Variants in BMPR1B observed in about 807,000 individuals in gnomAD.
BMPR1B encodes the protein bone morphogenetic protein receptor type-1B.
A neutral mutation model predicts 59.1 loss-of-function variants in BMPR1B; 12 were observed. The ratio of observed to expected loss-of-function variants is 0.20; its 90% CI spans 0.13 to 0.33. BMPR1B has a LOEUF of 0.33. Ranked by LOEUF, BMPR1B falls within the 10% of genes least tolerant of loss-of-function variation. BMPR1B has a pLI of 1.00. For synonymous variants in BMPR1B, 237 were observed against 207.3 expected (o/e 1.14, Z -1.23); for missense variants, 550 against 610.9 (o/e 0.90, Z 1.05).
intron 2 of BMPR1B, among the ~76,000 whole-genome samples, chr4:94,932,879 C>G (rs1271783863): frequency 6.6e-6 from 1 of 152,122 alleles, no homozygotes. Flanking sequence ...TCAGAAAGTT[C>G]TGATTCATCC....
chr4:95,065,184 G>A (rs992049011), intron 3 of BMPR1B, among the ~76,000 whole-genome samples: 1 of 152,162 alleles, frequency 6.6e-6, no homozygotes, highest in Non-Finnish European at 1.5e-5. Context: ...ATGAAGTACT[G>A]ATACATGCTA....
At chr4:95,139,266 T>C (rs933709530) in intron 10 of BMPR1B, among the ~76,000 whole-genome samples, 1 of 152,172 alleles carries the variant, frequency 6.6e-6, no homozygotes, top group Non-Finnish European at 1.5e-5. Flanking sequence ...GCCTGATCCT[T>C]CATCTGGAAG....
chr4:94,871,796 A>G (rs1399370431), intron 1 of BMPR1B, among the ~76,000 whole-genome samples: 1 of 152,204 alleles, frequency 6.6e-6, no homozygotes, highest in African/African-American at 2.4e-5. Context: ...TATACAAGCT[A>G]TTTTGAGTGT....
At chr4:95,013,829 T>A (rs548686868) in intron 3 of BMPR1B, among the ~76,000 whole-genome samples, 2 of 152,312 alleles carry the variant, frequency 1.3e-5, no homozygotes, top group South Asian at 2.1e-4. Context: ...TTTACCTAAT[T>A]AGATTGTAGT....
At chr4:95,007,628 G>C (rs6532524) in intron 3 of BMPR1B, among the ~76,000 whole-genome samples, 150,364 of 152,304 alleles carry the variant, frequency 0.99, 74,226 homozygotes, top group Middle Eastern at 1. Context: ...ATTTTAAAAG[G>C]ATTTTAAGAC....
At chr4:95,148,441 G>T (rs1734801050) in intron 10 of BMPR1B, among the ~76,000 whole-genome samples, 1 of 151,466 alleles carries the variant, frequency 6.6e-6, no homozygotes, top group South Asian at 2.1e-4. Flanking sequence ...TTAAGAGATG[G>T]CATCTCACTA....
intron 3 of BMPR1B, among the ~76,000 whole-genome samples, chr4:95,038,102 G>A (rs550064522): frequency 1.3e-5 from 2 of 152,268 alleles, no homozygotes; most frequent in South Asian, 4.1e-4. Flanking sequence ...CAATGAGAAG[G>A]CAAGAATTGA....
chr4:95,100,163 A>G (rs747064255), intron 3 of BMPR1B, among the ~76,000 whole-genome samples: 1 of 152,046 alleles, frequency 6.6e-6, no homozygotes, highest in African/African-American at 2.4e-5. Flanking sequence ...GGATGGATCT[A>G]CCATTAGCAG....
Position 95,001,325 on chromosome 4 carries a change from C to T in BMPR1B, c.-18+5191C>T, listed in dbSNP as rs146874854. 2.7e-5 allele frequency among the ~76,000 whole-genome samples: 4 copies of T among 150,218 alleles called. No homozygotes were observed. In the East Asian group the frequency reaches 7.9e-4, roughly 30 times the overall value. ...CTGTGTCTTGTCTTGTATTAGACTC[C>T]TTTGCATTATTTCTTAATTCCTGGA... On this transcript the variant is annotated intron_variant, in intron 3 of 12. Coordinates refer to ENST00000515059, the MANE Select transcript of BMPR1B (RefSeq NM_001203.3).
At chr4:95,148,024 A>G (rs941604394) in intron 10 of BMPR1B, among the ~76,000 whole-genome samples, 3 of 152,066 alleles carry the variant, frequency 2.0e-5, no homozygotes, top group African/African-American at 7.3e-5. Flanking sequence ...GTTATATTCC[A>G]TTATTGTTTT....
chr4:95,026,336 A>AAC (rs1052432104), intron 3 of BMPR1B, among the ~76,000 whole-genome samples: 1 of 152,048 alleles, frequency 6.6e-6, no homozygotes, highest in Non-Finnish European at 1.5e-5. Context: ...AGAAAGGTAT[A>AAC]GCCTTTATAG....
intron 6 of BMPR1B, among the ~76,000 whole-genome samples, chr4:95,118,100 A>G (rs767141020): frequency 6.6e-6 from 1 of 152,012 alleles, no homozygotes; most frequent in Non-Finnish European, 1.5e-5. Context: ...AGCTCTGAGG[A>G]TCTCAGGTGG....
intron 2 of BMPR1B, among the ~76,000 whole-genome samples, chr4:94,978,551 GT>G (rs567639122): frequency 6.6e-6 from 1 of 152,196 alleles, no homozygotes; most frequent in Non-Finnish European, 1.5e-5. Flanking sequence ...GGTGAGTAAG[GT>G]GGTGTTGAAT....
At chr4:95,042,058 C>T (rs919924166) in intron 3 of BMPR1B, among the ~76,000 whole-genome samples, 10 of 152,014 alleles carry the variant, frequency 6.6e-5, no homozygotes, top group African/African-American at 1.9e-4. Context: ...GGGTTTCACT[C>T]TGTTAGCCAG....
intron 3 of BMPR1B, among the ~76,000 whole-genome samples, chr4:95,026,618 A>G (rs1724431982): frequency 2.0e-5 from 3 of 152,070 alleles, no homozygotes; most frequent in Admixed American, 2.0e-4. Flanking sequence ...TCTAAAATAT[A>G]GGTAAGGGTG....
chr4:95,104,349 A>C, intron 3 of BMPR1B, 59 bp from the exon 4 acceptor site: 1 of 1,571,748 alleles, frequency 6.4e-7, no homozygotes, highest in Non-Finnish European at 8.7e-7. Flanking sequence ...TTTCGTTTGA[A>C]CAGAAGACTG....
intron 1 of BMPR1B, among the ~76,000 whole-genome samples, chr4:94,865,208 T>C (rs547735622): frequency 6.6e-5 from 10 of 152,136 alleles, no homozygotes; most frequent in African/African-American, 2.4e-4. Flanking sequence ...GGAGTTACAC[T>C]GTGTTGGCCA....
chr4:94,803,060 G>A (rs902128286), intron 1 of BMPR1B, among the ~76,000 whole-genome samples: 3 of 152,098 alleles, frequency 2.0e-5, no homozygotes, highest in Admixed American at 6.6e-5. Flanking sequence ...GCTCATGGTT[G>A]CAAGTGATGA....
chr4:94,901,481 G>A (rs574789692), intron 2 of BMPR1B, among the ~76,000 whole-genome samples: 2 of 152,036 alleles, frequency 1.3e-5, no homozygotes, highest in African/African-American at 4.8e-5. Flanking sequence ...TATTACTGCT[G>A]GCAGTTGAGT....
Sources: allele counts gnomAD v4.1 joint callset (sites outside exome capture counted in the v4.1 genomes callset), GRCh38; gene constraint gnomAD v4.1.1; transcripts MANE v1.5; gene names NCBI Gene and HGNC (gene_info 2026-07-23, HGNC 2026-07-21).